OSCP1: variants seen among roughly 807,000 people sequenced by gnomAD.
OSCP1 encodes organic solute carrier partner 1.
A neutral mutation model predicts 45.1 loss-of-function variants in OSCP1; 35 were observed. The ratio of observed to expected loss-of-function variants is 0.78; its 90% CI spans 0.59 to 1.03. The LOEUF is 1.03. OSCP1 is among the 50% of genes least tolerant of loss of function. The pLI is 0.00. For missense variants in OSCP1, 400 were observed against 470.7 expected (o/e 0.85, Z 1.39); for synonymous variants, 179 against 180.1 (o/e 0.99, Z 0.05).
At chr1:36,432,860 T>A (rs79789525) in intron 2 of OSCP1, among the ~76,000 whole-genome samples, 3,806 of 152,276 alleles carry the variant, frequency 0.025, 79 homozygotes, top group East Asian at 0.063. Context: ...GTTAATGGGA[T>A]ACGTCTGAAA....
intron 8 of OSCP1, among the ~76,000 whole-genome samples, chr1:36,419,555 G>A (rs970135015): frequency 5.9e-5 from 9 of 152,108 alleles, no homozygotes; most frequent in Non-Finnish European, 1.0e-4. Context: ...TGACACTCAC[G>A]CCAAATACTT....
chr1:36,421,909 G>A (rs1261147555), intron 7 of OSCP1: 1 of 566,966 alleles, frequency 1.8e-6, no homozygotes, highest in Non-Finnish European at 3.2e-6. Context: ...CTGGTGTGTG[G>A]TTCCTCTTAA....
At chr1:36,440,856 G>A (rs1033724791) in intron 1 of OSCP1, 3 of 152,200 alleles carry the variant, frequency 2.0e-5, no homozygotes, top group Non-Finnish European at 4.4e-5. Flanking sequence ...AAGAATTCAA[G>A]TTGAAGCATC....
chr1:36,439,061 A>T, intron 1 of OSCP1, 151 bp from the exon 2 acceptor site: 2 of 706,010 alleles, frequency 2.8e-6, no homozygotes, highest in Non-Finnish European at 4.4e-6. Flanking sequence ...AGGGGACCAC[A>T]CAGGTGTCCC....
At chr1:36,440,444 TA>T (rs1052922365) in intron 1 of OSCP1, among the ~76,000 whole-genome samples, 6 of 152,230 alleles carry the variant, frequency 3.9e-5, no homozygotes, top group Admixed American at 2.0e-4. Context: ...ACAGAAATGC[TA>T]AACTCACACT....
chr1:36,447,928 T>G lies in OSCP1; in HGVS notation c.112+2330A>C. 1 of 451,990 alleles carries G rather than the reference T, an allele frequency of 2.2e-6. No individual in the cohort carries two copies. The highest frequency in any genetic ancestry group is 4.5e-6 in the Non-Finnish European group (1 of 223,994). 28.0% of individuals were successfully genotyped at this position (451,990 alleles called of 1,614,324 possible). On this transcript the variant is annotated intron_variant, in intron 1 of 9. Transcript: ENST00000235532. The surrounding 1 kb of genome is among the most constrained non-coding windows in gnomAD (Gnocchi z 4.1). ...GTGTGCGAATGTAAATTACTAAAGA[T>G]GGCCGAAACTCCCAAAACCATATTT...
chr1:36,419,139 A>G (rs1378129781), intron 8 of OSCP1, 85 bp from the exon 9 acceptor site: 2 of 1,264,390 alleles, frequency 1.6e-6, no homozygotes, highest in Non-Finnish European at 2.3e-6. Flanking sequence ...TCAGTTGGCA[A>G]CCTATTTTTT....
At chr1:36,448,442 C>G (rs561891686) in intron 1 of OSCP1, among the ~76,000 whole-genome samples, 1 of 152,252 alleles carries the variant, frequency 6.6e-6, no homozygotes, top group South Asian at 2.1e-4. Flanking sequence ...ATTTTGTGAT[C>G]ACTAATTTAT....
chr1:36,423,170 T>G lies in OSCP1; in HGVS notation c.620+193A>C, dbSNP rs148415555. 4.6e-3 allele frequency among the ~76,000 whole-genome samples: 699 copies of G among 152,280 alleles called. 2 individuals carry two copies. Among genetic ancestry groups the G allele is most frequent in the Middle Eastern group, 0.01 (3 of 294 alleles). ...AGGAAATTAGTCCTGGGGAACTGGG[T>G]AACTTGCCTCAAGTCCCTCTACTAA... is the stretch of plus-strand genomic sequence containing the variant. On this transcript the variant is annotated intron_variant, in intron 5 of 9. Coordinates refer to ENST00000235532, the MANE Select transcript of OSCP1 (RefSeq NM_145047.5).
rs200030816 is a variant in OSCP1 at position 36,419,063 on chromosome 1, G to A, written c.960-9C>T. 7.2e-5 allele frequency: 116 copies of A among 1,608,496 alleles called. No homozygotes were observed. Among genetic ancestry groups the A allele is most frequent in the Non-Finnish European group, 9.6e-5 (113 of 1,174,976 alleles). On this transcript the variant is annotated splice_polypyrimidine_tract_variant and intron_variant, in intron 8 of 9. Coordinates refer to ENST00000235532, the MANE Select transcript of OSCP1 (RefSeq NM_145047.5). Reference sequence around the variant, plus strand: ...TGGTTAGCGCTGCTTGTCTGGATGAGATGGTAAAGAAAATGGGTGCAACAT... The same window carrying A: ...TGGTTAGCGCTGCTTGTCTGGATGAAATGGTAAAGAAAATGGGTGCAACAT...
intron 2 of OSCP1, among the ~76,000 whole-genome samples, chr1:36,435,177 C>A (rs1648642052): frequency 6.6e-6 from 1 of 150,738 alleles, no homozygotes; most frequent in African/African-American, 2.4e-5. Flanking sequence ...TCACTGAAGC[C>A]TCAACCTCCC....
intron 4 of OSCP1, among the ~76,000 whole-genome samples, chr1:36,429,860 G>A (rs1168939045): frequency 1.4e-5 from 2 of 147,510 alleles, no homozygotes; most frequent in African/African-American, 5.0e-5. Flanking sequence ...GCCCAGGCTA[G>A]AGTGCAGTGG....
chr1:36,436,419 T>G (rs957700089), intron 2 of OSCP1, among the ~76,000 whole-genome samples: 2 of 152,238 alleles, frequency 1.3e-5, no homozygotes, highest in African/African-American at 4.8e-5. Flanking sequence ...CCTCTCTATT[T>G]TTTTAGAGAC....
chr1:36,440,238 G>T (rs987345205), intron 1 of OSCP1, among the ~76,000 whole-genome samples: 6 of 152,202 alleles, frequency 3.9e-5, no homozygotes, highest in Non-Finnish European at 8.8e-5. Context: ...CTCTCAACCT[G>T]TAAGTAATTG....
At chr1:36,421,666 T>G (rs952559171) in intron 7 of OSCP1, among the ~76,000 whole-genome samples, 2 of 152,228 alleles carry the variant, frequency 1.3e-5, no homozygotes, top group African/African-American at 2.4e-5. Flanking sequence ...AATAAATGTT[T>G]GCTGAATAAT....
At chr1:36,423,299 G>T in intron 5 of OSCP1, 64 bp downstream of exon 5, 2 of 1,285,058 alleles carry the variant, frequency 1.6e-6, no homozygotes, top group Non-Finnish European at 2.3e-6. Flanking sequence ...GGCATTCCGT[G>T]TGCGGCCCAT....
At chr1:36,442,239 A>AG (rs1391828673) in intron 1 of OSCP1, among the ~76,000 whole-genome samples, 1 of 151,708 alleles carries the variant, frequency 6.6e-6, no homozygotes, top group African/African-American at 2.4e-5. Context: ...AAAAAAAAAA[A>AG]AGGAGGCTAA....
At chr1:36,439,966 T>C (rs976074423) in intron 1 of OSCP1, among the ~76,000 whole-genome samples, 6 of 152,232 alleles carry the variant, frequency 3.9e-5, no homozygotes, top group African/African-American at 1.4e-4. Flanking sequence ...TAGATTATCC[T>C]TAATTAAACC....
chr1:36,424,193 G>A lies in OSCP1; in HGVS notation c.517-727C>T, dbSNP rs546829183. Among the ~76,000 whole-genome samples, 6 of 152,128 alleles carry A rather than the reference G, an allele frequency of 3.9e-5. No individual in the cohort carries two copies. The East Asian group carries it at 7.8e-4, about 20-fold the overall frequency. ...TAAGCCCAAGTGATCTGCCTGCCTC[G>A]GCCTCCCAAAGTGCTGGGATTACAG... On this transcript the variant is annotated intron_variant, in intron 4 of 9. Coordinates refer to ENST00000235532, the MANE Select transcript of OSCP1 (RefSeq NM_145047.5).
Sources: gnomAD v4.1 joint callset for allele counts (sites outside exome capture counted in the v4.1 genomes callset) on GRCh38, gnomAD v4.1.1 for gene constraint, Gnocchi (gnomAD v3.1) non-coding constraint, MANE v1.5 for transcripts, NCBI Gene and HGNC (gene_info 2026-07-23, HGNC 2026-07-21) for gene names.